Variants in KANSL1L observed in about 807,000 individuals in gnomAD.
KANSL1L encodes KAT8 regulatory NSL complex subunit 1-like protein.
In KANSL1L, 25 loss-of-function variants were observed where a neutral mutation model predicts 108.6. The observed-to-expected ratio is 0.23, with a 90% CI of 0.17 to 0.32. The LOEUF is 0.32. Ranked by LOEUF, KANSL1L falls within the 10% of genes least tolerant of loss-of-function variation. The pLI, the probability that KANSL1L is intolerant of heterozygous loss-of-function variation, is 1.00. For synonymous variants in KANSL1L, 405 were observed against 395.1 expected (o/e 1.03, Z -0.30); for missense variants, 1,137 against 1,125.7 (o/e 1.01, Z -0.14).
intron 2 of KANSL1L, among the ~76,000 whole-genome samples, chr2:210,135,574 G>T (rs2095166179): frequency 1.3e-5 from 2 of 152,038 alleles, no homozygotes; most frequent in African/African-American, 4.8e-5. Flanking sequence ...AAATGATTGG[G>T]TTTATCATTA....
intron 5 of KANSL1L, among the ~76,000 whole-genome samples, chr2:210,094,649 A>G (rs2094720435): frequency 6.6e-6 from 1 of 152,078 alleles, no homozygotes; most frequent in Admixed American, 6.5e-5. Flanking sequence ...TTAAAAATCT[A>G]TAGTAATATT....
Position 210,154,514 on chromosome 2 carries a change from C to G in KANSL1L, c.69G>C (p.Glu23Asp). 1 of 1,596,688 alleles carries G rather than the reference C, an allele frequency of 6.3e-7. No individual in the cohort carries two copies. The highest frequency in any genetic ancestry group is 8.5e-7 in the Non-Finnish European group (1 of 1,170,524). The change falls in exon 2 of 15, where the codon GAG becomes GAC. Residue 23 changes from glutamate to aspartate, a missense_variant. Around this residue, in one of 3 missense-constraint regions of KANSL1L, gnomAD observed 556 missense variants for 537.7 expected, o/e 1.03. Transcript: ENST00000281772. ...ISFSSLPSTMESDKMLYMESP... is the reference protein window; with the variant it reads ...ISFSSLPSTMDSDKMLYMESP... ...TTTCCATGTAGAGCATCTTGTCAGACTCCATGGTACTTGGCAAAGATGAAA... is the reference window on the plus strand; with the variant it reads ...TTTCCATGTAGAGCATCTTGTCAGAGTCCATGGTACTTGGCAAAGATGAAA...
chr2:210,038,057 T>C (rs1175181478), intron 8 of KANSL1L, among the ~76,000 whole-genome samples: 1 of 152,138 alleles, frequency 6.6e-6, no homozygotes, highest in Non-Finnish European at 1.5e-5. Flanking sequence ...TAGGTTTCCA[T>C]CCTTATATGA....
chr2:210,081,734 C>A (rs964940471), intron 5 of KANSL1L, among the ~76,000 whole-genome samples: 2 of 152,026 alleles, frequency 1.3e-5, no homozygotes, highest in Admixed American at 1.3e-4. Flanking sequence ...ATCATTCCAG[C>A]CCTGGGTTTA....
At chr2:210,035,549 G>A (rs928274315) in intron 8 of KANSL1L, among the ~76,000 whole-genome samples, 1 of 152,014 alleles carries the variant, frequency 6.6e-6, no homozygotes, top group Non-Finnish European at 1.5e-5. Context: ...GCGCCATTTC[G>A]GCTCACTACA....
intron 1 of KANSL1L, chr2:210,170,500 A>G (rs1688269300): frequency 2.3e-6 from 1 of 439,066 alleles, no homozygotes; most frequent in Non-Finnish European, 3.0e-6. Context: ...CTTGCTACCA[A>G]ACACCACGCA....
intron 1 of KANSL1L, among the ~76,000 whole-genome samples, chr2:210,157,692 A>G (rs1020876484): frequency 4.6e-5 from 3 of 65,382 alleles, no homozygotes; most frequent in East Asian, 3.4e-4. Flanking sequence ...ACTGTCACAG[A>G]AAAAAAAAAA....
At chr2:210,166,519 G>C (rs567331613) in intron 1 of KANSL1L, among the ~76,000 whole-genome samples, 1 of 152,134 alleles carries the variant, frequency 6.6e-6, no homozygotes, top group South Asian at 2.1e-4. Flanking sequence ...AAGATTAAAG[G>C]CCAAATCTGA....
Position 210,075,736 on chromosome 2 carries a change from T to C in KANSL1L, c.1571A>G (p.Glu524Gly). 6.2e-7 allele frequency: 1 copy of C among 1,613,670 alleles called. No homozygotes were observed. The highest frequency in any genetic ancestry group is 8.5e-7 in the Non-Finnish European group (1 of 1,179,622). ...TAACCAGCTACTGGAGGAAGACAGCTCATCTAAATTCTCTGATGCACTGAA... is the reference window on the plus strand; with the variant it reads ...TAACCAGCTACTGGAGGAAGACAGCCCATCTAAATTCTCTGATGCACTGAA... ...IYRSASENLD[E>G]LSSSSSWLLN... Residue 524 changes from glutamate to glycine, a missense_variant, in exon 6 of 15, where the codon GAG (glutamate) becomes GGG (glycine). This residue lies in a region of KANSL1L where 575 missense variants were observed against 567.1 expected (regional missense o/e 1.01). Coordinates refer to ENST00000281772, the MANE Select transcript of KANSL1L (RefSeq NM_152519.4).
At chr2:210,136,931 T>A (rs2095179077) in intron 2 of KANSL1L, among the ~76,000 whole-genome samples, 1 of 152,182 alleles carries the variant, frequency 6.6e-6, no homozygotes, top group Non-Finnish European at 1.5e-5. Flanking sequence ...GTTAGACTTA[T>A]TGTGAAGATA....
At chr2:210,129,284 CAT>C (rs2095098038) in intron 2 of KANSL1L, 112 bp from the exon 3 acceptor site, 1 of 792,298 alleles carries the variant, frequency 1.3e-6, no homozygotes. Flanking sequence ...CTTTCTACAA[CAT>C]GTAATTACAG....
intron 1 of KANSL1L, 128 bp downstream of exon 1, chr2:210,171,021 A>C (rs1213620767): frequency 6.6e-6 from 1 of 152,390 alleles, no homozygotes; most frequent in Non-Finnish European, 1.5e-5. Context: ...CGGGGGGCGA[A>C]GGGGCTGCCG....
chr2:210,123,150 A>G (rs1221052131), intron 3 of KANSL1L, among the ~76,000 whole-genome samples: 2 of 152,178 alleles, frequency 1.3e-5, no homozygotes, highest in Admixed American at 1.3e-4. Flanking sequence ...AACTAAAACT[A>G]GAACTATCCT....
At position 210,120,758 on chromosome 2, in the gene KANSL1L, T is replaced by A. The variant is rs143684133; in HGVS notation, c.1230+8273A>T. Among the ~76,000 whole-genome samples, 419 of 151,832 alleles carry A rather than the reference T, an allele frequency of 2.8e-3. 2 individuals carry two copies. Among genetic ancestry groups the A allele is most frequent in the Middle Eastern group, 0.017 (5 of 294 alleles). On this transcript the variant is annotated intron_variant, in intron 3 of 14. Coordinates refer to ENST00000281772, the MANE Select transcript of KANSL1L (RefSeq NM_152519.4). Reference sequence around the variant, plus strand: ...TTGCAAACTATGCATCTGACAAAGGTCTAATATTCAGCATCTAAAAGGAAC... The same window carrying A: ...TTGCAAACTATGCATCTGACAAAGGACTAATATTCAGCATCTAAAAGGAAC...
In KANSL1L at chr2:210,153,779, T is replaced by G. The variant is rs139300882; in HGVS notation, c.804A>C (p.Gln268His). ...CATGAAATGTCTTCATTTTGGGGAG[T>G]TGATGTTTCATAGACAATTTCATCT... The part of the protein sequence containing the change: ...GQQMKLSMKH[Q>H]LPKMKTFHEP... The change falls in exon 2 of 15, where the codon CAA becomes CAC. Residue 268 changes from glutamine (Q) to histidine (H), a missense_variant. Physicochemically the swap from Gln to His is conservative, Grantham distance 24. This residue lies in a region of KANSL1L where 556 missense variants were observed against 537.7 expected (regional missense o/e 1.03). Coordinates refer to ENST00000281772, the MANE Select transcript of KANSL1L (RefSeq NM_152519.4). 1 of 1,612,568 alleles carries G rather than the reference T, an allele frequency of 6.2e-7. No homozygotes were observed. Among genetic ancestry groups the G allele is most frequent in the African/African-American group, 1.3e-5 (1 of 74,826 alleles).
At chr2:210,172,555 A>G (rs777199289), upstream of KANSL1L, among the ~76,000 whole-genome samples, 14 of 152,206 alleles carry the variant, frequency 9.2e-5, no homozygotes, top group Non-Finnish European at 1.0e-4. Context: ...TATTGGAGCT[A>G]TATTTTTTTA....
intron 5 of KANSL1L, among the ~76,000 whole-genome samples, chr2:210,094,861 C>T (rs775105284): frequency 2.0e-5 from 3 of 151,660 alleles, no homozygotes; most frequent in Non-Finnish European, 2.9e-5. Flanking sequence ...CACTAACACC[C>T]TTTCCTAGGG....
rs537512582 is a variant in KANSL1L, at chr2:210,114,360, C to T, written c.1231-10059G>A. Among the ~76,000 whole-genome samples, 31 of 152,150 alleles carry T rather than the reference C, an allele frequency of 2.0e-4. 1 individual carries two copies. The South Asian group carries it at 3.7e-3, about 18-fold the overall frequency. On this transcript the variant is annotated intron_variant, in intron 3 of 14. Coordinates refer to ENST00000281772, the MANE Select transcript of KANSL1L (RefSeq NM_152519.4). ...GGCCAACCCAAAATCCTATTCTATT[C>T]GGGAAAATTGTCCTTCAAAGGTAAA...
At chr2:210,136,442 T>A (rs959275378) in intron 2 of KANSL1L, among the ~76,000 whole-genome samples, 3 of 152,194 alleles carry the variant, frequency 2.0e-5, no homozygotes, top group African/African-American at 7.2e-5. Flanking sequence ...ACATCAAACA[T>A]TGACAAATAA....
Sources: gnomAD v4.1 joint callset for allele counts (sites outside exome capture counted in the v4.1 genomes callset) on GRCh38, gnomAD v4.1.1 for gene constraint, gnomAD v4.1.1 regional missense constraint, MANE v1.5 for transcripts, NCBI Gene and HGNC (gene_info 2026-07-23, HGNC 2026-07-21) for gene names.